The following RELN variants were observed in gnomAD, a reference collection of about 807,000 sequenced individuals.
RELN encodes reelin.
RELN carries 108 observed loss-of-function variants against 427.6 expected under a neutral mutation model. The observed-to-expected ratio is 0.25, with a 90% CI of 0.22 to 0.30. The LOEUF is 0.30. RELN is among the 10% of genes least tolerant of loss of function. The probability of loss-of-function intolerance (pLI) is 1.00; values close to 1 mark genes in which losing one functional copy is unlikely to be tolerated. For missense variants in RELN, 3,715 were observed against 4,302.8 expected (o/e 0.86, Z 3.82); for synonymous variants, 1,524 against 1,513.4 (o/e 1.01, Z -0.16).
At chr7:103,618,042 A>G (rs1432755483) in intron 20 of RELN, among the ~76,000 whole-genome samples, 2 of 152,158 alleles carry the variant, frequency 1.3e-5, no homozygotes, top group Admixed American at 6.6e-5. Flanking sequence ...CTTCTTGTAC[A>G]GTCTGCAGAA....
At chr7:103,688,407 A>T (rs1833806252) in intron 10 of RELN, among the ~76,000 whole-genome samples, 1 of 152,072 alleles carries the variant, frequency 6.6e-6, no homozygotes, top group Non-Finnish European at 1.5e-5. Context: ...CCATCAAGTG[A>T]ACTGCTGAAA....
chr7:103,712,016 T>A (rs1050226142), intron 8 of RELN, among the ~76,000 whole-genome samples: 3 of 152,058 alleles, frequency 2.0e-5, no homozygotes, highest in African/African-American at 7.2e-5. Context: ...CTCATAGACC[T>A]CATTAAACCT....
At chr7:103,715,411 A>C (rs1789913037) in intron 8 of RELN, among the ~76,000 whole-genome samples, 1 of 152,212 alleles carries the variant, frequency 6.6e-6, no homozygotes, top group Non-Finnish European at 1.5e-5. Flanking sequence ...TTTATGTTTA[A>C]ACTGAGGCTA....
intron 3 of RELN, among the ~76,000 whole-genome samples, chr7:103,828,489 T>C (rs893786615): frequency 1.3e-5 from 2 of 151,990 alleles, no homozygotes; most frequent in African/African-American, 4.8e-5. Context: ...GTTTTCAGTT[T>C]TGAGAAAGTT....
At chr7:103,506,646 G>A (rs1829222178) in intron 51 of RELN, among the ~76,000 whole-genome samples, 2 of 113,186 alleles carry the variant, frequency 1.8e-5, no homozygotes, top group Non-Finnish European at 1.6e-5. Context: ...TGGATAAACT[G>A]CATAACTAAT....
intron 64 of RELN, among the ~76,000 whole-genome samples, chr7:103,477,560 A>G (rs572975192): frequency 9.8e-5 from 15 of 152,366 alleles, no homozygotes; most frequent in Admixed American, 3.3e-4. Context: ...AGAGGATGCC[A>G]CACATTTGAC....
chr7:103,688,868 C>T lies in RELN; in HGVS notation c.1144-6607G>A, dbSNP rs144717453. Among the ~76,000 whole-genome samples the T allele has an allele frequency of 1.8e-3, 280 of 152,128 alleles. 3 individuals are homozygous for T. The highest frequency in any genetic ancestry group is 6.5e-3 in the African/African-American group (270 of 41,536). On this transcript the variant is annotated intron_variant, in intron 10 of 64. Transcript: ENST00000428762. ...CTTAATGGGTTGCTGATTTACCTAA[C>T]GTCTGTTGTCTTCATTAGGGCCTTT...
At chr7:103,812,633 T>C (rs1488078464) in intron 3 of RELN, among the ~76,000 whole-genome samples, 1 of 152,232 alleles carries the variant, frequency 6.6e-6, no homozygotes, top group Non-Finnish European at 1.5e-5. Context: ...TGCACACATA[T>C]GACAAAGGCC....
intron 2 of RELN, among the ~76,000 whole-genome samples, chr7:103,883,967 T>C (rs1248693184): frequency 2.0e-5 from 3 of 152,222 alleles, no homozygotes; most frequent in East Asian, 3.9e-4. Context: ...AAAGTCCATA[T>C]AGCCACGACA....
chr7:103,516,822 C>T, intron 49 of RELN, among the ~76,000 whole-genome samples: 1 of 152,066 alleles, frequency 6.6e-6, no homozygotes, highest in African/African-American at 2.4e-5. Context: ...TTTTATTTTT[C>T]CTTCCTTTTT....
chr7:103,531,775 AC>A lies in RELN; in HGVS notation c.7349+3540del, dbSNP rs551003338. On this transcript the variant is annotated intron_variant, in intron 46 of 64. Transcript: ENST00000428762. The stretch of plus-strand genomic sequence containing the variant: ...TGTGGCTATTACAAAAGTAAAAAAA[AC>A]AAAACAAAACAAAAACCCAACAGAT... 1.3e-3 allele frequency among the ~76,000 whole-genome samples: 191 copies of A among 152,296 alleles called. 1 individual carries two copies. Among genetic ancestry groups the A allele is most frequent in the African/African-American group, 4.4e-3 (183 of 41,550 alleles).
rs749050816 is a variant in RELN, at chr7:103,636,222, T to A, written c.2303+13A>T. 21 of 1,560,030 alleles carry A rather than the reference T, an allele frequency of 1.3e-5. No individual in the cohort carries two copies. The highest frequency in any genetic ancestry group is 1.9e-5 in the Non-Finnish European group (21 of 1,131,314). On this transcript the variant is annotated intron_variant, in intron 18 of 64. Coordinates refer to ENST00000428762, the MANE Select transcript of RELN (RefSeq NM_005045.4). ...TCTGGTTTTTGTATGTATTCTACCC[T>A]GCCTTCACTCACCTGGATTGTGAGC... is the stretch of plus-strand genomic sequence containing the variant.
chr7:103,885,338 C>CAAAA (rs10650410), intron 2 of RELN, among the ~76,000 whole-genome samples: 1 of 142,122 alleles, frequency 7.0e-6, no homozygotes. Context: ...GACTCCATCT[C>CAAAA]AAAAAAAAAA....
At chr7:103,728,424 T>C (rs1242405268) in intron 6 of RELN, among the ~76,000 whole-genome samples, 4 of 152,106 alleles carry the variant, frequency 2.6e-5, no homozygotes, top group African/African-American at 9.7e-5. Flanking sequence ...CAGTGGTGGG[T>C]AAGTTACTTA....
chr7:103,884,602 C>A (rs970216638), intron 2 of RELN, among the ~76,000 whole-genome samples: 2 of 152,046 alleles, frequency 1.3e-5, no homozygotes, highest in African/African-American at 4.8e-5. Flanking sequence ...AACAAACCAC[C>A]CCATCAAAAA....
intron 2 of RELN, among the ~76,000 whole-genome samples, chr7:103,836,141 A>G (rs932446962): frequency 2.6e-5 from 4 of 151,316 alleles, no homozygotes; most frequent in Admixed American, 1.3e-4. Flanking sequence ...TTTTTTTTGT[A>G]TTTTTAGTAG....
At chr7:103,630,843 A>ATTT (rs1400339253) in intron 19 of RELN, among the ~76,000 whole-genome samples, 72 of 94,128 alleles carry the variant, frequency 7.6e-4, no homozygotes, top group African/African-American at 1.5e-3. Flanking sequence ...GGGCTGAGTT[A>ATTT]TTTTTTTGTT....
At chr7:103,535,206 G>A in intron 46 of RELN, 110 bp downstream of exon 46, 1 of 977,960 alleles carries the variant, frequency 1.0e-6, no homozygotes, top group Non-Finnish European at 1.6e-6. Context: ...AATACCATTA[G>A]CAATTAACAA....
chr7:103,663,197 C>G (rs1308299345), intron 11 of RELN, among the ~76,000 whole-genome samples: 2 of 152,084 alleles, frequency 1.3e-5, no homozygotes, highest in Non-Finnish European at 2.9e-5. Flanking sequence ...TAGATTCTTC[C>G]TTTGTGATCT....
Sources: gnomAD v4.1 joint callset for allele counts (sites outside exome capture counted in the v4.1 genomes callset) on GRCh38, gnomAD v4.1.1 for gene constraint, MANE v1.5 for transcripts, NCBI Gene and HGNC (gene_info 2026-07-23, HGNC 2026-07-21) for gene names.